Variants in MACROD2 observed in about 807,000 individuals in gnomAD.
The protein encoded by MACROD2 is ADP-ribose glycohydrolase MACROD2.
A neutral mutation model predicts 70.4 loss-of-function variants in MACROD2; 36 were observed. The ratio of observed to expected loss-of-function variants is 0.51; its 90% CI spans 0.39 to 0.68. The LOEUF (loss-of-function observed/expected upper bound fraction) is 0.68. Among genes scored for constraint, MACROD2 ranks in the 30% least tolerant of loss-of-function variants. The pLI is 0.00. For synonymous variants in MACROD2, 172 were observed against 178.8 expected (o/e 0.96, Z 0.30); for missense variants, 496 against 538.4 (o/e 0.92, Z 0.78).
rs148722085 is a variant in MACROD2 at position 15,001,451 on chromosome 20, C to T, written c.419-228489C>T. 2.4e-4 allele frequency among the ~76,000 whole-genome samples: 37 copies of T among 152,274 alleles called. No homozygotes were observed. The East Asian group carries it at 6.6e-3, about 27-fold the overall frequency. On this transcript the variant is annotated intron_variant, in intron 5 of 17. Coordinates refer to ENST00000684519, the MANE Select transcript of MACROD2 (RefSeq NM_001351661.2). ...TCATCTCTCCAGCTTTCCTCTAAAA[C>T]TTTAGGGTCTAATGGTCAAATCCCA...
chr20:16,013,832 AGGTTTAGCAGAT>A (rs1183653280), intron 15 of MACROD2, among the ~76,000 whole-genome samples: 1 of 152,234 alleles, frequency 6.6e-6, no homozygotes, highest in East Asian at 1.9e-4. Flanking sequence ...TACTGCCAGA[AGGTTTAGCAGAT>A]GGTTTTGGTC....
chr20:15,696,094 T>G (rs2050365103), intron 8 of MACROD2, among the ~76,000 whole-genome samples: 1 of 152,204 alleles, frequency 6.6e-6, no homozygotes, highest in Non-Finnish European at 1.5e-5. Context: ...AGAGAAGTGG[T>G]GAGAGTGGGC....
At chr20:15,525,506 C>T (rs2146536926) in intron 8 of MACROD2, among the ~76,000 whole-genome samples, 1 of 152,300 alleles carries the variant, frequency 6.6e-6, no homozygotes, top group Admixed American at 6.5e-5. Flanking sequence ...TATAACGTGC[C>T]ATGGTGAGAT....
chr20:15,172,149 G>C (rs1299607062), intron 5 of MACROD2, among the ~76,000 whole-genome samples: 1 of 152,144 alleles, frequency 6.6e-6, no homozygotes, highest in Non-Finnish European at 1.5e-5. Flanking sequence ...ACAGTGAGAA[G>C]CTTCTAAGAT....
intron 6 of MACROD2, among the ~76,000 whole-genome samples, chr20:15,384,082 G>A (rs6110588): frequency 6.6e-6 from 1 of 152,066 alleles, no homozygotes; most frequent in Non-Finnish European, 1.5e-5. Flanking sequence ...TTGGAATGGA[G>A]GCTTTGGGAA....
intron 8 of MACROD2, among the ~76,000 whole-genome samples, chr20:15,749,576 C>A (rs1333419519): frequency 2.0e-5 from 3 of 152,010 alleles, no homozygotes; most frequent in East Asian, 3.8e-4. Flanking sequence ...TCTTTCTCAG[C>A]TCCTATACTT....
chr20:15,858,120 A>G (rs2064378250), intron 8 of MACROD2, among the ~76,000 whole-genome samples: 1 of 19,372 alleles, frequency 5.2e-5, no homozygotes, highest in African/African-American at 1.2e-4. Context: ...GGGCCTTGGG[A>G]AAAAAAAAAT....
Position 15,646,208 on chromosome 20 carries a change from A to G in MACROD2, c.645+146361A>G, listed in dbSNP as rs548433696. ...ATTCACCATTATTAGGTATTAATTC[A>G]CAGCAAAAACACAGGCTTATCATTT... is the stretch of plus-strand genomic sequence containing the variant. On this transcript the variant is annotated intron_variant, in intron 8 of 17. Transcript: ENST00000684519. Among the ~76,000 whole-genome samples the G allele has an allele frequency of 1.8e-4, 27 of 152,310 alleles. 1 individual carries two copies. Among genetic ancestry groups the G allele is most frequent in the African/African-American group, 6.5e-4 (27 of 41,554 alleles).
chr20:15,267,612 A>AG (rs2077307398), intron 6 of MACROD2, among the ~76,000 whole-genome samples: 1 of 152,208 alleles, frequency 6.6e-6, no homozygotes, highest in Non-Finnish European at 1.5e-5. Flanking sequence ...CCCCAGGTAG[A>AG]GACCACTATC....
intron 5 of MACROD2, among the ~76,000 whole-genome samples, chr20:15,217,457 C>G (rs2076820594): frequency 6.6e-6 from 1 of 152,132 alleles, no homozygotes; most frequent in Non-Finnish European, 1.5e-5. Context: ...GTGGAGTGTG[C>G]TGTTGGGTTA....
chr20:14,321,453 A>C (rs954115574), intron 3 of MACROD2, among the ~76,000 whole-genome samples: 1 of 152,198 alleles, frequency 6.6e-6, no homozygotes, highest in South Asian at 2.1e-4. Flanking sequence ...ATTGATAAGC[A>C]GGAGTTATTT....
chr20:15,736,863 A>G (rs908088636), intron 8 of MACROD2, among the ~76,000 whole-genome samples: 2 of 152,192 alleles, frequency 1.3e-5, no homozygotes. Flanking sequence ...CCACTCTCCC[A>G]TTGATATTGA....
At chr20:14,489,075 C>A (rs2084765626) in intron 3 of MACROD2, among the ~76,000 whole-genome samples, 1 of 152,188 alleles carries the variant, frequency 6.6e-6, no homozygotes, top group Non-Finnish European at 1.5e-5. Flanking sequence ...AATAATCAGT[C>A]TTTTCTTCAA....
intron 3 of MACROD2, among the ~76,000 whole-genome samples, chr20:14,133,028 G>C (rs971310338): frequency 6.6e-6 from 1 of 152,128 alleles, no homozygotes; most frequent in Non-Finnish European, 1.5e-5. Context: ...ATATGGGACT[G>C]GCTCACATGA....
intron 13 of MACROD2, 34 bp from the exon 14 acceptor site, chr20:15,986,693 A>G: frequency 3.9e-6 from 6 of 1,553,666 alleles, no homozygotes; most frequent in Non-Finnish European, 5.3e-6. Context: ...TGCATATCAC[A>G]TTTCTTTTAT....
chr20:14,435,583 T>C lies in MACROD2; in HGVS notation c.272-57896T>C, dbSNP rs537775287. Among the ~76,000 whole-genome samples, 33 of 152,292 alleles carry C rather than the reference T, an allele frequency of 2.2e-4. 1 individual carries two copies. In the South Asian group the frequency reaches 3.7e-3, roughly 17 times the overall value. ...TTATTGAGTACCCCTTATGCGTCAT[T>C]ATAGGTCCTGAAGAGAAAGTGTAAG... On this transcript the variant is annotated intron_variant, in intron 3 of 17. Coordinates refer to ENST00000684519, the MANE Select transcript of MACROD2 (RefSeq NM_001351661.2).
chr20:14,364,172 C>T (rs2083251182), intron 3 of MACROD2, among the ~76,000 whole-genome samples: 1 of 152,136 alleles, frequency 6.6e-6, no homozygotes, highest in Non-Finnish European at 1.5e-5. Context: ...GTAAGAAGTA[C>T]TACACAGAAA....
chr20:14,367,429 A>G lies in MACROD2; in HGVS notation c.272-126050A>G, dbSNP rs149492338. ...GTATCCTTTTTGTTAAGTCTAAAGG[A>G]CTCCCTTTAGCTTTTCTCATAGGTC... is the stretch of plus-strand genomic sequence containing the variant. On this transcript the variant is annotated intron_variant, in intron 3 of 17. Transcript: ENST00000684519. 1.2e-3 allele frequency among the ~76,000 whole-genome samples: 186 copies of G among 151,770 alleles called. 1 individual carries two copies. Among genetic ancestry groups the G allele is most frequent in the African/African-American group, 4.1e-3 (169 of 41,390 alleles).
At chr20:16,006,204 G>C (rs1455406288) in intron 15 of MACROD2, among the ~76,000 whole-genome samples, 5 of 151,636 alleles carry the variant, frequency 3.3e-5, no homozygotes, top group Non-Finnish European at 1.5e-5. Flanking sequence ...GACTCTATTT[G>C]GACCATTATT....
Sources: gnomAD v4.1 joint callset for allele counts (sites outside exome capture counted in the v4.1 genomes callset) on GRCh38, gnomAD v4.1.1 for gene constraint, MANE v1.5 for transcripts, NCBI Gene and HGNC (gene_info 2026-07-23, HGNC 2026-07-21) for gene names.